GALNT13: variants seen among roughly 807,000 people sequenced by gnomAD.
GALNT13 encodes the protein polypeptide N-acetylgalactosaminyltransferase 13.
GALNT13 carries 28 observed loss-of-function variants against 64.2 expected under a neutral mutation model. The observed-to-expected ratio is 0.44, with a 90% CI of 0.32 to 0.60. GALNT13 has a LOEUF of 0.60. GALNT13 is among the 20% of genes least tolerant of loss of function. GALNT13 has a pLI of 0.05. For missense variants in GALNT13, 577 were observed against 669.8 expected, an observed-to-expected ratio of 0.86 and a Z score of 1.53; for synonymous variants, 214 against 224.6, an observed-to-expected ratio of 0.95 and a Z score of 0.42.
chr2:153,771,306 G>A, the GALNT13 span, among the ~76,000 whole-genome samples: 8 of 152,266 alleles, frequency 5.3e-5, no homozygotes, highest in Non-Finnish European at 7.4e-5. Flanking sequence ...GGAAGGTCAG[G>A]ACAGCTCAAA....
intron 3 of GALNT13, among the ~76,000 whole-genome samples, chr2:154,006,368 A>T: frequency 6.6e-6 from 1 of 152,226 alleles, no homozygotes; most frequent in East Asian, 1.9e-4. Flanking sequence ...GATGATTAAA[A>T]TTAAAAGCTG....
intron 3 of GALNT13, among the ~76,000 whole-genome samples, chr2:153,959,947 C>G (rs1051861480): frequency 6.6e-6 from 1 of 152,158 alleles, no homozygotes; most frequent in African/African-American, 2.4e-5. Flanking sequence ...GCCGTCTCAC[C>G]GATGGGCTCA....
At chr2:153,896,575 T>A (rs1161940023) in intron 1 of GALNT13, among the ~76,000 whole-genome samples, 12 of 152,156 alleles carry the variant, frequency 7.9e-5, no homozygotes, top group Non-Finnish European at 1.5e-5. Flanking sequence ...TTTACTTTTT[T>A]TCTGATTTAT....
intron 8 of GALNT13, among the ~76,000 whole-genome samples, chr2:154,283,709 G>A (rs566215120): frequency 6.6e-6 from 1 of 151,452 alleles, no homozygotes; most frequent in East Asian, 2.0e-4. Flanking sequence ...ACATCTATAT[G>A]TGTGTGTGTG....
the GALNT13 span, among the ~76,000 whole-genome samples, chr2:153,859,391 C>T: frequency 6.6e-6 from 1 of 152,128 alleles, no homozygotes; most frequent in African/African-American, 2.4e-5. Context: ...GTTCCTAACC[C>T]TTTTGACTGC....
At chr2:153,357,583 T>TC in the GALNT13 span, among the ~76,000 whole-genome samples, 1 of 152,180 alleles carries the variant, frequency 6.6e-6, no homozygotes, top group Non-Finnish European at 1.5e-5. Context: ...TGTTTGTTTT[T>TC]CTTGAGACAA....
At chr2:153,133,559 T>C in the GALNT13 span, among the ~76,000 whole-genome samples, 2 of 152,146 alleles carry the variant, frequency 1.3e-5, no homozygotes. Context: ...CCTGGTTGTG[T>C]GACAAGAACC....
chr2:154,030,847 A>G (rs1698289341), intron 3 of GALNT13, among the ~76,000 whole-genome samples: 1 of 151,984 alleles, frequency 6.6e-6, no homozygotes, highest in Non-Finnish European at 1.5e-5. Context: ...CCTCCTAGTC[A>G]TGCTTCCTGT....
chr2:153,237,543 A>C, the GALNT13 span, among the ~76,000 whole-genome samples: 1 of 151,800 alleles, frequency 6.6e-6, no homozygotes, highest in Non-Finnish European at 1.5e-5. Flanking sequence ...ATTATTTTAA[A>C]TTTTTAGCTC....
the GALNT13 span, among the ~76,000 whole-genome samples, chr2:153,640,600 G>A: frequency 1.3e-5 from 2 of 152,082 alleles, no homozygotes; most frequent in East Asian, 1.9e-4. Flanking sequence ...GCAATATAAT[G>A]AGACCTAATT....
chr2:153,326,208 A>G, the GALNT13 span, among the ~76,000 whole-genome samples: 51,743 of 151,774 alleles, frequency 0.34, 9,086 homozygotes, highest in Middle Eastern at 0.38. Flanking sequence ...TTCTTGTTGC[A>G]TTGATGCGTT....
In GALNT13 at chr2:153,908,522, G is replaced by C. The variant is rs968089260; in HGVS notation, c.-105+7515G>C. Among the ~76,000 whole-genome samples the C allele has an allele frequency of 7.8e-4, 119 of 151,994 alleles. 3 individuals carry two copies. Among genetic ancestry groups the C allele is most frequent in the South Asian group, 5.6e-3 (27 of 4,818 alleles). On this transcript the variant is annotated intron_variant, in intron 2 of 12. Transcript: ENST00000392825. ...TGTCTTCCAGAGTTTTTATAGTTTT[G>C]GGTTTTACATTTAAGTCTTTAATCC...
At chr2:153,088,368 T>G in the GALNT13 span, among the ~76,000 whole-genome samples, 1 of 152,148 alleles carries the variant, frequency 6.6e-6, no homozygotes, top group Non-Finnish European at 1.5e-5. Flanking sequence ...ATTGAGGCTT[T>G]TTTGGTGACA....
chr2:153,713,873 A>G, the GALNT13 span, among the ~76,000 whole-genome samples: 2 of 152,210 alleles, frequency 1.3e-5, no homozygotes, highest in African/African-American at 2.4e-5. Context: ...ACTGCCACTT[A>G]GATCTCAAAC....
chr2:153,690,247 T>C, the GALNT13 span, among the ~76,000 whole-genome samples: 3 of 152,182 alleles, frequency 2.0e-5, no homozygotes, highest in African/African-American at 4.8e-5. Context: ...ATACTCTTGT[T>C]ATTTGCTACT....
At chr2:153,656,664 T>G in the GALNT13 span, among the ~76,000 whole-genome samples, 1 of 152,120 alleles carries the variant, frequency 6.6e-6, no homozygotes, top group Non-Finnish European at 1.5e-5. Context: ...TTGTTGTAAA[T>G]GCCATCTAGG....
intron 9 of GALNT13, among the ~76,000 whole-genome samples, chr2:154,349,069 A>G (rs1393394110): frequency 1.3e-5 from 2 of 152,340 alleles, no homozygotes; most frequent in South Asian, 4.1e-4. Context: ...GTAACAACTC[A>G]TATGTGCTGT....
intron 3 of GALNT13, among the ~76,000 whole-genome samples, chr2:153,969,760 CATT>C (rs1385968857): frequency 1.3e-5 from 2 of 152,082 alleles, no homozygotes; most frequent in Non-Finnish European, 2.9e-5. Context: ...TCATAACTAT[CATT>C]ATTTTCTGCC....
intron 3 of GALNT13, among the ~76,000 whole-genome samples, chr2:154,103,314 T>G (rs1702445020): frequency 6.6e-6 from 1 of 152,180 alleles, no homozygotes; most frequent in African/African-American, 2.4e-5. Flanking sequence ...ATTTTGAAAT[T>G]CCTATAGTGA....
Sources: gnomAD v4.1 joint callset for allele counts (sites outside exome capture counted in the v4.1 genomes callset) on GRCh38, gnomAD v4.1.1 for gene constraint, MANE v1.5 for transcripts, NCBI Gene and HGNC (gene_info 2026-07-23, HGNC 2026-07-21) for gene names.